The following GTPBP4 variants were observed in gnomAD, a reference collection of about 807,000 sequenced individuals.
The protein encoded by GTPBP4 is GTP binding protein 4.
Under a neutral mutation model 81.7 loss-of-function variants are expected in GTPBP4, and 15 were observed. That is an observed-to-expected ratio of 0.18 (90% CI 0.12 to 0.28). The LOEUF is 0.28. Among genes scored for constraint, GTPBP4 ranks in the 10% least tolerant of loss-of-function variants. The pLI is 1.00. For synonymous variants in GTPBP4, 272 were observed against 274.6 expected (o/e 0.99, Z 0.09); for missense variants, 847 against 793.8 (o/e 1.07, Z -0.81).
At chr10:1,005,418 A>G (rs1230796493) in intron 8 of GTPBP4, among the ~76,000 whole-genome samples, 1 of 152,174 alleles carries the variant, frequency 6.6e-6, no homozygotes, top group Non-Finnish European at 1.5e-5. Flanking sequence ...GGCTGGGATT[A>G]CAGGCATGAG....
intron 9 of GTPBP4, among the ~76,000 whole-genome samples, chr10:1,006,625 C>T (rs1015657159): frequency 1.3e-5 from 2 of 151,898 alleles, no homozygotes; most frequent in African/African-American, 2.4e-5. Context: ...GCAGCAAGAG[C>T]GAGATACCAT....
chr10:998,577 C>A (rs1351427225), intron 5 of GTPBP4, among the ~76,000 whole-genome samples: 1 of 152,212 alleles, frequency 6.6e-6, no homozygotes, highest in Non-Finnish European at 1.5e-5. Context: ...GGCCACTGCA[C>A]TGGGTGGCTT....
intron 15 of GTPBP4, among the ~76,000 whole-genome samples, chr10:1,014,740 A>G (rs934367811): frequency 2.6e-5 from 4 of 152,092 alleles, no homozygotes; most frequent in African/African-American, 7.2e-5. Context: ...GAGAGCTTCC[A>G]GTTTTTCTCT....
Position 995,860 on chromosome 10 carries a change from GTTC to G in GTPBP4, c.220-65_220-63del, listed in dbSNP as rs1831528702. On this transcript the variant is annotated intron_variant, in intron 2 of 16. Transcript: ENST00000360803. ...GCGTGGAGGGAGAGGGAAAGAAATT[GTTC>G]TTCAAGTGGTAGGGATGAAAAACTG... 3.4e-6 allele frequency: 3 copies of G among 870,264 alleles called. No individual in the cohort carries two copies. In the Admixed American group the frequency reaches 5.7e-5, roughly 17 times the overall value. The allele number at this position is 870,264 out of a possible 1,614,324, so 53.9% of individuals were successfully genotyped here. A position where few individuals can be genotyped will look rare whatever the true frequency, so the allele number is the denominator to read the frequency against.
intron 10 of GTPBP4, among the ~76,000 whole-genome samples, chr10:1,007,628 G>T (rs142626608): frequency 6.6e-6 from 1 of 152,136 alleles, no homozygotes; most frequent in Non-Finnish European, 1.5e-5. Context: ...GGCACACATC[G>T]TTACGCTGTG....
At chr10:1,007,866 G>T (rs1487958368) in intron 10 of GTPBP4, 2 of 514,330 alleles carry the variant, frequency 3.9e-6, no homozygotes, top group East Asian at 5.4e-5. Context: ...GAGCATGTTT[G>T]TCTGCTTATT....
intron 10 of GTPBP4, chr10:1,008,402 T>TA (rs1351767557): frequency 8.6e-6 from 3 of 348,346 alleles, no homozygotes; most frequent in South Asian, 4.6e-5. Flanking sequence ...TGAGACTCTG[T>TA]CAAAAAAAAA....
rs756244947 is a variant in GTPBP4, at chr10:1,008,976, C to T, written c.1132C>T (p.Pro378Ser). ...RDDKERPPFI[P>S]EGVVARRKRM... ...TTCTCAGGAGAGGCCCCCTTTCATC[C>T]CTGAAGGAGTGGTGGCTCGCAGGAA... Residue 378 changes from proline (P) to serine (S), a missense_variant, in exon 11 of 17, where the codon CCT becomes TCT. Physicochemically the swap from Pro to Ser is moderately conservative, Grantham distance 74 (BLOSUM62 -1). This residue lies in a region of GTPBP4 where 600 missense variants were observed against 557.1 expected (regional missense o/e 1.08). Coordinates refer to ENST00000360803, the MANE Select transcript of GTPBP4 (RefSeq NM_012341.3). 1.2e-6 allele frequency: 2 copies of T among 1,611,352 alleles called. No homozygotes were observed. The highest frequency in any genetic ancestry group is 1.7e-6 in the Non-Finnish European group (2 of 1,177,478).
chr10:1,003,328 T>C (rs1483976478), intron 8 of GTPBP4, among the ~76,000 whole-genome samples: 1 of 152,262 alleles, frequency 6.6e-6, no homozygotes, highest in Non-Finnish European at 1.5e-5. Context: ...TATCTATCTG[T>C]ATTTTGTTTC....
In GTPBP4 at chr10:1,018,433, A is replaced by C. The variant is rs1324400641; in HGVS notation, c.*1206A>C. On this transcript the variant is annotated 3_prime_UTR_variant, in exon 17 of 17. Coordinates refer to ENST00000360803, the MANE Select transcript of GTPBP4 (RefSeq NM_012341.3). ...AGAGAGACTCCGTGTGAAAAAAAAA[A>C]AAAAAATACCAGGTCTGGTTTTTGA... is the stretch of plus-strand genomic sequence containing the variant. 1 of 151,772 alleles carries C rather than the reference A, an allele frequency of 6.6e-6. No homozygotes were observed. The highest frequency in any genetic ancestry group is 2.4e-5 in the African/African-American group (1 of 41,258). 9.4% of individuals were successfully genotyped at this position (151,772 alleles called of 1,614,324 possible).
chr10:1,016,630 A>G (rs1236221024), intron 16 of GTPBP4, among the ~76,000 whole-genome samples: 1 of 152,236 alleles, frequency 6.6e-6, no homozygotes, highest in Non-Finnish European at 1.5e-5. Context: ...TAGCTTGTGT[A>G]AGAGGGAGTT....
intron 13 of GTPBP4, among the ~76,000 whole-genome samples, chr10:1,010,747 C>G (rs1427634943): frequency 1.4e-5 from 2 of 145,470 alleles, no homozygotes; most frequent in Non-Finnish European, 3.0e-5. Context: ...CGCCTCCACC[C>G]ACCCACCCCG....
chr10:1,005,537 T>C (rs1831713316), intron 8 of GTPBP4, among the ~76,000 whole-genome samples: 1 of 152,182 alleles, frequency 6.6e-6, no homozygotes, highest in Non-Finnish European at 1.5e-5. Flanking sequence ...GAGCTCCCCC[T>C]CAGTTATTAA....
intron 2 of GTPBP4, among the ~76,000 whole-genome samples, chr10:995,232 T>C (rs1210313957): frequency 6.6e-6 from 1 of 151,984 alleles, no homozygotes; most frequent in Non-Finnish European, 1.5e-5. Context: ...GTGGGGAGCA[T>C]GAATGTTTGG....
At chr10:989,464 A>T (rs1209544207) in intron 1 of GTPBP4, among the ~76,000 whole-genome samples, 1 of 152,056 alleles carries the variant, frequency 6.6e-6, no homozygotes, top group Non-Finnish European at 1.5e-5. Context: ...TGAACATTCG[A>T]TTTGGGTCGC....
rs11814774 is a variant in GTPBP4 at position 1,009,179 on chromosome 10, C to T, written c.1191+144C>T. The T allele has an allele frequency of 3.2e-3, 2,028 of 631,166 alleles. 38 individuals are homozygous for T. In the African/African-American group the frequency reaches 0.033, roughly 10 times the overall value. The allele number at this position is 631,166 out of a possible 1,614,324, so 39.1% of individuals were successfully genotyped here. ...GGCTGCGGACACAGCAGTGAGTCCC[C>T]CTGCAGAAGCCTCTCTCATGGGGCT... On this transcript the variant is annotated intron_variant, in intron 11 of 16. Coordinates refer to ENST00000360803, the MANE Select transcript of GTPBP4 (RefSeq NM_012341.3).
At chr10:988,947 G>T in intron 1 of GTPBP4, 1 of 180,186 alleles carries the variant, frequency 5.5e-6, no homozygotes. Flanking sequence ...CAGGAATCCT[G>T]GGTTCGTTGT....
chr10:1,011,295 C>G (rs1157917686), intron 13 of GTPBP4, among the ~76,000 whole-genome samples: 1 of 152,218 alleles, frequency 6.6e-6, no homozygotes, highest in East Asian at 1.9e-4. Flanking sequence ...CAATCCCCTC[C>G]CTACTTGCTT....
intron 5 of GTPBP4, among the ~76,000 whole-genome samples, chr10:998,193 G>A (rs950120320): frequency 1.3e-5 from 2 of 151,868 alleles, no homozygotes; most frequent in Admixed American, 6.6e-5. Flanking sequence ...TCAACCTTCC[G>A]GGCCCAAACA....
Sources: gnomAD v4.1 joint callset for allele counts (sites outside exome capture counted in the v4.1 genomes callset) on GRCh38, gnomAD v4.1.1 for gene constraint, gnomAD v4.1.1 regional missense constraint, MANE v1.5 for transcripts, NCBI Gene and HGNC (gene_info 2026-07-23, HGNC 2026-07-21) for gene names.